Variants in SYNE1 observed in about 807,000 individuals in gnomAD.
The protein encoded by SYNE1 is nesprin-1.
In SYNE1, 616 loss-of-function variants were observed where a neutral mutation model predicts 1,111.0. The ratio of observed to expected loss-of-function variants is 0.55; its 90% CI spans 0.52 to 0.59. The LOEUF (loss-of-function observed/expected upper bound fraction) is 0.59. Ranked by LOEUF, SYNE1 falls within the 20% of genes least tolerant of loss-of-function variation. The pLI is 0.00. For synonymous variants in SYNE1, 3,855 were observed against 3,825.8 expected (o/e 1.01, Z -0.28); for missense variants, 10,006 against 10,417.0 (o/e 0.96, Z 1.72).
At chr6:152,309,714 C>T in intron 90 of SYNE1, 121 bp downstream of exon 90, 2 of 1,319,248 alleles carry the variant, frequency 1.5e-6, no homozygotes, top group South Asian at 1.2e-5. Context: ...TATAAAACCA[C>T]AACAGCCTGT....
chr6:152,206,401 T>C (rs1362143257), intron 125 of SYNE1, 39 bp from the exon 126 acceptor site: 1 of 1,609,266 alleles, frequency 6.2e-7, no homozygotes, highest in African/African-American at 1.3e-5. Flanking sequence ...TCATTCTTTC[T>C]TTCATCGTTT....
intron 3 of SYNE1, among the ~76,000 whole-genome samples, chr6:152,621,471 A>C (rs927772692): frequency 3.3e-5 from 5 of 152,200 alleles, no homozygotes; most frequent in Admixed American, 2.6e-4. Flanking sequence ...AAGGTGCAAT[A>C]AAGTGAATTT....
intron 3 of SYNE1, among the ~76,000 whole-genome samples, chr6:152,564,883 C>T (rs2099407315): frequency 6.6e-6 from 1 of 151,962 alleles, no homozygotes; most frequent in Non-Finnish European, 1.5e-5. Flanking sequence ...AAACTAGAGA[C>T]AAAAATAATA....
chr6:152,340,355 C>T (rs2096506812), intron 74 of SYNE1, among the ~76,000 whole-genome samples: 1 of 152,156 alleles, frequency 6.6e-6, no homozygotes, highest in East Asian at 1.9e-4. Context: ...GACCATACAT[C>T]CCAATTTGCT....
intron 3 of SYNE1, among the ~76,000 whole-genome samples, chr6:152,602,271 C>T (rs1354533437): frequency 2.0e-5 from 3 of 152,038 alleles, no homozygotes; most frequent in African/African-American, 2.4e-5. Flanking sequence ...CCCTAATCTA[C>T]GATAACTAGT....
intron 36 of SYNE1, among the ~76,000 whole-genome samples, chr6:152,429,015 C>T (rs1312886427): frequency 6.6e-6 from 1 of 151,470 alleles, no homozygotes; most frequent in Non-Finnish European, 1.5e-5. Context: ...CCACATGTAA[C>T]ATGCTATAAT....
chr6:152,223,590 T>C lies in SYNE1; in HGVS notation c.21522+904A>G, dbSNP rs537559638. Among the ~76,000 whole-genome samples, 9 of 148,692 alleles carry C rather than the reference T, an allele frequency of 6.1e-5. No individual in the cohort carries two copies. In the South Asian group the frequency reaches 1.9e-3, roughly 32 times the overall value. ...CCGAGATAGCACCACTGCACTCCAG[T>C]CTGGGCGACAGAGCGAGACTCTGTC... is the stretch of plus-strand genomic sequence containing the variant. On this transcript the variant is annotated intron_variant, in intron 117 of 145. Coordinates refer to ENST00000367255, the MANE Select transcript of SYNE1 (RefSeq NM_182961.4).
intron 51 of SYNE1, among the ~76,000 whole-genome samples, chr6:152,392,628 A>G (rs2097663115): frequency 6.6e-6 from 1 of 152,194 alleles, no homozygotes; most frequent in African/African-American, 2.4e-5. Context: ...GCTAAGAGTT[A>G]TACAACAAGA....
chr6:152,136,368 C>A (rs113463104), intron 141 of SYNE1, among the ~76,000 whole-genome samples: 1 of 152,160 alleles, frequency 6.6e-6, no homozygotes, highest in Non-Finnish European at 1.5e-5. Context: ...AGCGTTGCGA[C>A]GGAGATAAAC....
At chr6:152,423,794 C>T (rs541045124) in intron 39 of SYNE1, among the ~76,000 whole-genome samples, 48 of 152,284 alleles carry the variant, frequency 3.2e-4, no homozygotes, top group African/African-American at 1.0e-3. Context: ...TCTCTGTCTC[C>T]CAATAAAACC....
intron 128 of SYNE1, among the ~76,000 whole-genome samples, chr6:152,186,307 A>G (rs1357142896): frequency 6.6e-6 from 1 of 152,172 alleles, no homozygotes; most frequent in Admixed American, 6.6e-5. Context: ...CTGTCATCTC[A>G]GCACTTTGGG....
chr6:152,244,858 A>G (rs1025949641), intron 105 of SYNE1, among the ~76,000 whole-genome samples: 7 of 152,208 alleles, frequency 4.6e-5, no homozygotes, highest in Non-Finnish European at 8.8e-5. Context: ...TCATTAGTAC[A>G]GAGCAGTTAT....
intron 3 of SYNE1, among the ~76,000 whole-genome samples, chr6:152,596,098 T>TAAAAAAAA (rs71017542): frequency 0.012 from 231 of 18,578 alleles, 49 homozygotes; most frequent in Non-Finnish European, 0.018. Context: ...AAGGGCAATC[T>TAAAAAAAA]AAAAAAAAAA....
At chr6:152,446,954 C>T (rs961688734) in intron 29 of SYNE1, among the ~76,000 whole-genome samples, 4 of 152,184 alleles carry the variant, frequency 2.6e-5, no homozygotes, top group Non-Finnish European at 4.4e-5. Flanking sequence ...AGGAACTACA[C>T]TATGTGCTTA....
intron 5 of SYNE1, among the ~76,000 whole-genome samples, chr6:152,521,549 A>C (rs1016369877): frequency 4.6e-5 from 7 of 152,108 alleles, no homozygotes; most frequent in African/African-American, 1.7e-4. Context: ...TTTTCAATTG[A>C]ATATATGTAA....
chr6:152,140,205 T>G, intron 139 of SYNE1, 44 bp from the exon 140 acceptor site: 1 of 1,597,184 alleles, frequency 6.3e-7, no homozygotes, highest in East Asian at 2.2e-5. Context: ...TTCCTCTACA[T>G]GTGATGTTTA....
At chr6:152,239,751 T>C (rs2085112843) in intron 107 of SYNE1, 45 bp from the exon 108 acceptor site, 2 of 1,610,976 alleles carry the variant, frequency 1.2e-6, no homozygotes, top group Non-Finnish European at 1.7e-6. Flanking sequence ...CATTCATATA[T>C]TATGTTAGAA....
chr6:152,362,306 A>G lies in SYNE1; in HGVS notation c.10163T>C (p.Leu3388Pro), dbSNP rs371806423. 6.8e-6 allele frequency: 11 copies of G among 1,614,108 alleles called. No homozygotes were observed. The highest frequency in any genetic ancestry group is 1.1e-5 in the South Asian group (1 of 91,088). ...ATCCTGATAACTTGTCCACTTGGAGAGAGCTCCTTCGAGTTGGCTGAAAGG... is the reference window on the plus strand; with the variant it reads ...ATCCTGATAACTTGTCCACTTGGAGGGAGCTCCTTCGAGTTGGCTGAAAGG... ...IRCKSQLEGA[L>P]SKWTSYQDGV... The change falls in exon 64 of 146, where the codon CTC becomes CCC. Residue 3388 changes from leucine (L) to proline (P), a missense_variant. Physicochemically the swap from Leu to Pro is moderately conservative, Grantham distance 98. Around this residue, in one of 7 missense-constraint regions of SYNE1, gnomAD observed 4,955 missense variants for 5,017.2 expected, o/e 0.99. Transcript: ENST00000367255.
chr6:152,288,349 G>A (rs1014760906), intron 95 of SYNE1, among the ~76,000 whole-genome samples: 3 of 152,090 alleles, frequency 2.0e-5, no homozygotes, highest in African/African-American at 7.2e-5. Flanking sequence ...TAGCCCACAA[G>A]CAGATTTCTG....
Sources: gnomAD v4.1 joint callset for allele counts (sites outside exome capture counted in the v4.1 genomes callset) on GRCh38, gnomAD v4.1.1 for gene constraint, gnomAD v4.1.1 regional missense constraint, MANE v1.5 for transcripts, NCBI Gene and HGNC (gene_info 2026-07-23, HGNC 2026-07-21) for gene names.